Variants in CELF2 observed in about 807,000 individuals in gnomAD.
CELF2 encodes CUGBP Elav-like family member 2.
Under a neutral mutation model 62.6 loss-of-function variants are expected in CELF2, and 8 were observed. The ratio of observed to expected loss-of-function variants is 0.13; its 90% CI spans 0.07 to 0.23. The LOEUF (loss-of-function observed/expected upper bound fraction) is 0.23, where lower values mean the gene tolerates loss of function less well. Among genes scored for constraint, CELF2 ranks in the 10% least tolerant of loss-of-function variants. The probability of loss-of-function intolerance (pLI) is 1.00; values close to 1 mark genes in which losing one functional copy is unlikely to be tolerated. For synonymous variants in CELF2, 258 were observed against 250.0 expected (o/e 1.03, Z -0.30); for missense variants, 333 against 671.0 (o/e 0.50, Z 5.56).
the CELF2 span, among the ~76,000 whole-genome samples, chr10:10,736,107 A>G: frequency 1.3e-5 from 2 of 152,200 alleles, no homozygotes; most frequent in Non-Finnish European, 2.9e-5. Context: ...ATTCTCTCAA[A>G]TTAGAATTTA....
chr10:11,330,776 A>G lies in CELF2; in HGVS notation c.*1723A>G, dbSNP rs1198874222. The G allele has an allele frequency of 6.6e-6, 1 of 152,600 alleles. No individual in the cohort carries two copies. The highest frequency in any genetic ancestry group is 2.4e-5 in the African/African-American group (1 of 41,430). 9.5% of individuals were successfully genotyped at this position (152,600 alleles called of 1,614,324 possible). On this transcript the variant is annotated 3_prime_UTR_variant, in exon 13 of 13. Transcript: ENST00000633077. The surrounding 1 kb of genome is among the most constrained non-coding windows in gnomAD (Gnocchi z 4.5). ...TTTTCTTTTCCTAAAACAGACTTGA[A>G]AGTATTATACAGGGATTGGCATTCT... is the stretch of plus-strand genomic sequence containing the variant.
At chr10:10,605,271 G>C in the CELF2 span, among the ~76,000 whole-genome samples, 1 of 152,168 alleles carries the variant, frequency 6.6e-6, no homozygotes, top group Admixed American at 6.5e-5. Context: ...AGGCTTGTCG[G>C]GGGGTGGGGT....
intron 1 of CELF2, among the ~76,000 whole-genome samples, chr10:10,837,912 T>C (rs2058412423): frequency 6.6e-6 from 1 of 152,198 alleles, no homozygotes; most frequent in Non-Finnish European, 1.5e-5. Flanking sequence ...CCCCTATTGC[T>C]AATATCTTGT....
intron 1 of CELF2, among the ~76,000 whole-genome samples, chr10:11,137,317 T>C (rs1295146927): frequency 6.6e-6 from 1 of 152,222 alleles, no homozygotes; most frequent in African/African-American, 2.4e-5. Context: ...CAGTAGATCT[T>C]CTGGAGTTAG....
At chr10:11,195,908 G>C (rs1272014118) in intron 2 of CELF2, among the ~76,000 whole-genome samples, 2 of 152,110 alleles carry the variant, frequency 1.3e-5, no homozygotes, top group Non-Finnish European at 2.9e-5. Flanking sequence ...ATGGCTTTTT[G>C]AGTGTCTTCA....
chr10:10,882,393 T>C (rs1235379257), intron 1 of CELF2, among the ~76,000 whole-genome samples: 3 of 152,236 alleles, frequency 2.0e-5, no homozygotes, highest in Non-Finnish European at 4.4e-5. Flanking sequence ...TTTTCTTAAA[T>C]GTATCTCCAT....
intron 2 of CELF2, among the ~76,000 whole-genome samples, chr10:11,169,475 C>A (rs557484721): frequency 6.6e-6 from 1 of 152,194 alleles, no homozygotes; most frequent in Non-Finnish European, 1.5e-5. Context: ...TGGCCTGCTT[C>A]AGGCATGCAG....
the CELF2 span, among the ~76,000 whole-genome samples, chr10:10,496,666 A>G: frequency 1.3e-5 from 2 of 152,290 alleles, no homozygotes; most frequent in Middle Eastern, 3.4e-3. Context: ...CTATAACATA[A>G]GCTAGAACCT....
chr10:11,209,732 G>A (rs909884309), intron 2 of CELF2, among the ~76,000 whole-genome samples: 9 of 151,696 alleles, frequency 5.9e-5, no homozygotes, highest in Non-Finnish European at 1.0e-4. Flanking sequence ...GTAGTGCATG[G>A]CAGATTCGCT....
At chr10:10,663,878 G>A in the CELF2 span, among the ~76,000 whole-genome samples, 4 of 152,208 alleles carry the variant, frequency 2.6e-5, no homozygotes, top group East Asian at 1.9e-4. Context: ...GTTTACTACC[G>A]GTAGTTAACC....
the CELF2 span, among the ~76,000 whole-genome samples, chr10:10,693,906 T>G: frequency 6.6e-6 from 1 of 152,076 alleles, no homozygotes; most frequent in Non-Finnish European, 1.5e-5. Context: ...CTCTCTTTTT[T>G]TCTTTATTAG....
intron 1 of CELF2, among the ~76,000 whole-genome samples, chr10:11,161,455 G>A (rs1384296874): frequency 6.6e-6 from 1 of 152,360 alleles, no homozygotes; most frequent in African/African-American, 2.4e-5. Flanking sequence ...GGAACGTGAA[G>A]CAGAGGCAGT....
At chr10:11,173,044 C>T (rs754424991) in intron 2 of CELF2, among the ~76,000 whole-genome samples, 126 of 152,168 alleles carry the variant, frequency 8.3e-4, no homozygotes, top group Non-Finnish European at 1.6e-3. Context: ...TTTGCATTTG[C>T]CACTGAGTGC....
chr10:11,222,619 A>T (rs981414961), intron 3 of CELF2, among the ~76,000 whole-genome samples: 3 of 152,252 alleles, frequency 2.0e-5, no homozygotes, highest in Non-Finnish European at 2.9e-5. Context: ...ATACCAGGGA[A>T]TACTGTAGTA....
intron 3 of CELF2, among the ~76,000 whole-genome samples, chr10:11,232,693 A>G (rs56744347): frequency 0.099 from 15,049 of 152,198 alleles, 1,010 homozygotes; most frequent in East Asian, 0.23. Flanking sequence ...ACACCACGCT[A>G]TATTTTTACA....
the CELF2 span, among the ~76,000 whole-genome samples, chr10:10,699,456 A>G: frequency 6.6e-6 from 1 of 152,238 alleles, no homozygotes; most frequent in Non-Finnish European, 1.5e-5. Flanking sequence ...TTAGACAGTT[A>G]GCAAATTATT....
At chr10:10,923,636 C>G (rs1442707314) in intron 2 of CELF2, among the ~76,000 whole-genome samples, 1 of 152,156 alleles carries the variant, frequency 6.6e-6, no homozygotes, top group African/African-American at 2.4e-5. Flanking sequence ...GAAATTAAAG[C>G]CTGGTAGTAA....
chr10:11,064,593 C>T (rs1380559114), intron 1 of CELF2, among the ~76,000 whole-genome samples: 1 of 152,132 alleles, frequency 6.6e-6, no homozygotes, highest in Admixed American at 6.5e-5. Context: ...TAAAATTATT[C>T]AGGTATTTTG....
chr10:10,859,857 C>T (rs1393715523), intron 1 of CELF2, among the ~76,000 whole-genome samples: 1 of 152,008 alleles, frequency 6.6e-6, no homozygotes, highest in Non-Finnish European at 1.5e-5. Context: ...ATGTTTATTT[C>T]CTCAGATAAA....
Sources: allele counts gnomAD v4.1 joint callset (sites outside exome capture counted in the v4.1 genomes callset), GRCh38; gene constraint gnomAD v4.1.1; non-coding constraint Gnocchi (gnomAD v3.1); transcripts MANE v1.5; gene names NCBI Gene and HGNC (gene_info 2026-07-23, HGNC 2026-07-21).